Variants in ASZ1 observed in about 807,000 individuals in gnomAD.
The protein encoded by ASZ1 is ankyrin repeat, SAM and basic leucine zipper domain-containing protein 1.
A neutral mutation model predicts 61.8 loss-of-function variants in ASZ1; 67 were observed. The ratio of observed to expected loss-of-function variants is 1.08; its 90% CI spans 0.89 to 1.33. The LOEUF is 1.33. Ranked by LOEUF, ASZ1 falls within the 40% of genes most tolerant of loss-of-function variation. The probability of loss-of-function intolerance (pLI) is 0.00; values close to 1 mark genes in which losing one functional copy is unlikely to be tolerated. For missense variants in ASZ1, 577 were observed against 554.5 expected, an observed-to-expected ratio of 1.04 and a Z score of -0.41; for synonymous variants, 193 against 192.7, an observed-to-expected ratio of 1.00 and a Z score of -0.01.
chr7:117,379,005 A>G (rs1796192998), intron 10 of ASZ1, among the ~76,000 whole-genome samples: 1 of 151,426 alleles, frequency 6.6e-6, no homozygotes, highest in East Asian at 1.9e-4. Flanking sequence ...TGGAGAACAA[A>G]TTATTGGTTG....
chr7:117,426,415 G>A (rs530086728), intron 2 of ASZ1, among the ~76,000 whole-genome samples: 3 of 132,444 alleles, frequency 2.3e-5, no homozygotes, highest in East Asian at 4.5e-4. Flanking sequence ...GCTTGAACCC[G>A]AAGGTGGAGA....
chr7:117,404,541 G>A (rs756190290), intron 4 of ASZ1, among the ~76,000 whole-genome samples: 8 of 151,790 alleles, frequency 5.3e-5, no homozygotes, highest in Non-Finnish European at 1.2e-4. Flanking sequence ...CCATATTAGG[G>A]TGCTTAAGAC....
rs776522125 is a variant in ASZ1 at position 117,368,617 on chromosome 7, G to T, written c.1156C>A (p.Gln386Lys). 1.9e-6 allele frequency: 3 copies of T among 1,610,602 alleles called. No homozygotes were observed. Among genetic ancestry groups the T allele is most frequent in the South Asian group, 1.1e-5 (1 of 90,154 alleles). ...NVITELPVNSQKITLEWASPQ... is the reference protein window; with the variant it reads ...NVITELPVNSKKITLEWASPQ... ...TAATAACTTTTGTAGAATACCTTTT[G>T]AGAATTTACAGGTAACTCAGTAATA... is the stretch of plus-strand genomic sequence containing the variant. Residue 386 changes from glutamine (Q) to lysine (K), a missense_variant, in exon 11 of 13, where the codon CAA becomes AAA. Transcript: ENST00000284629.
At chr7:117,414,344 A>G (rs74632267) in intron 4 of ASZ1, among the ~76,000 whole-genome samples, 3,306 of 152,298 alleles carry the variant, frequency 0.022, 40 homozygotes, top group South Asian at 0.04. Context: ...AGGAATCCAA[A>G]TAGTATTAGC....
At chr7:117,406,467 T>C (rs1000689679) in intron 4 of ASZ1, among the ~76,000 whole-genome samples, 8 of 152,146 alleles carry the variant, frequency 5.3e-5, no homozygotes, top group Admixed American at 2.6e-4. Flanking sequence ...TAATAATAAA[T>C]TGTGAGGTTT....
At chr7:117,390,247 G>A (rs759311706) in intron 4 of ASZ1, among the ~76,000 whole-genome samples, 12 of 151,738 alleles carry the variant, frequency 7.9e-5, no homozygotes, top group South Asian at 2.1e-4. Flanking sequence ...ATGGCTCACC[G>A]CAGCCTCAAC....
chr7:117,377,898 T>C (rs1403959886), intron 10 of ASZ1, among the ~76,000 whole-genome samples: 1 of 152,032 alleles, frequency 6.6e-6, no homozygotes, highest in East Asian at 1.9e-4. Flanking sequence ...ATATGTGCAA[T>C]TAATTTTTGA....
chr7:117,364,144 C>A (rs1001554452), intron 12 of ASZ1, among the ~76,000 whole-genome samples: 1 of 152,160 alleles, frequency 6.6e-6, no homozygotes, highest in Non-Finnish European at 1.5e-5. Flanking sequence ...ATTATTATAG[C>A]AAACCTAAAA....
intron 10 of ASZ1, among the ~76,000 whole-genome samples, chr7:117,371,394 A>G (rs925035098): frequency 1.3e-5 from 2 of 152,184 alleles, no homozygotes; most frequent in African/African-American, 4.8e-5. Context: ...AACTTTATAT[A>G]CATAATACAT....
intron 12 of ASZ1, among the ~76,000 whole-genome samples, chr7:117,366,338 C>G (rs1584714519): frequency 6.6e-6 from 1 of 151,876 alleles, no homozygotes; most frequent in East Asian, 1.9e-4. Flanking sequence ...ATACTTGGAA[C>G]ATGTATACAA....
intron 10 of ASZ1, among the ~76,000 whole-genome samples, chr7:117,368,940 C>T (rs185185735): frequency 1.3e-5 from 2 of 152,088 alleles, no homozygotes; most frequent in East Asian, 3.9e-4. Flanking sequence ...TGCAGATATA[C>T]AATTACAGCT....
At chr7:117,363,917 A>G (rs1375462049) in intron 12 of ASZ1, among the ~76,000 whole-genome samples, 169 bp from the exon 13 acceptor site, 4 of 152,200 alleles carry the variant, frequency 2.6e-5, no homozygotes, top group African/African-American at 9.6e-5. Context: ...TATGTCTGAA[A>G]GACAGTCTTT....
chr7:117,368,496 CAGAACAAACG>C, intron 11 of ASZ1, 106 bp downstream of exon 11: 9 of 1,455,006 alleles, frequency 6.2e-6, no homozygotes, highest in Non-Finnish European at 8.1e-6. Context: ...TGTGATTTTG[CAGAACAAACG>C]ATGTAATTTC....
At chr7:117,397,340 C>A (rs1309598505) in intron 4 of ASZ1, among the ~76,000 whole-genome samples, 1 of 152,096 alleles carries the variant, frequency 6.6e-6, no homozygotes, top group Non-Finnish European at 1.5e-5. Flanking sequence ...CACCAAACAG[C>A]AAAACTACAA....
Position 117,384,778 on chromosome 7 carries a change from G to T in ASZ1, c.635C>A (p.Thr212Asn). 6.2e-7 allele frequency: 1 copy of T among 1,611,302 alleles called. No homozygotes were observed. The highest frequency in any genetic ancestry group is 8.5e-7 in the Non-Finnish European group (1 of 1,178,918). Reference protein sequence around the residue: ...LELGANKMLQTKDGKMPSEIA... With the variant: ...LELGANKMLQNKDGKMPSEIA... The stretch of plus-strand genomic sequence containing the variant: ...CTCACTTGGCATCTTTCCATCTTTG[G>T]TTTGTAGCATTTTATTAGCTCCAAG... The change falls in exon 6 of 13, where the codon ACC (threonine) becomes AAC (asparagine). Residue 212 changes from threonine (T) to asparagine (N), a missense_variant. By Grantham distance (65) the Thr-to-Asn change is moderately conservative. Coordinates refer to ENST00000284629, the MANE Select transcript of ASZ1 (RefSeq NM_130768.3).
Position 117,379,951 on chromosome 7 carries a change from T to G in ASZ1, c.1042A>C (p.Lys348Gln), listed in dbSNP as rs779237135. 1.9e-6 allele frequency: 3 copies of G among 1,590,196 alleles called. No homozygotes were observed. The Admixed American group carries it at 5.0e-5, about 27-fold the overall frequency. The change falls in exon 10 of 13, where the codon AAG becomes CAG. Residue 348 changes from lysine to glutamine, a missense_variant. Transcript: ENST00000284629. Reference protein sequence around the residue: ...IQFGELSEETKLEISGDEFLN... With the variant: ...IQFGELSEETQLEISGDEFLN... ...AGTTAATTTTACCTGATTTCCAACT[T>G]TGTCTCTTCAGATAGCTCTCCAAAT...
rs1797111749 is a variant in ASZ1, at chr7:117,422,268, C to T, written c.297G>A (p.Leu99=). The T allele has an allele frequency of 1.2e-6, 2 of 1,613,736 alleles. No homozygotes were observed. Among genetic ancestry groups the T allele is most frequent in the Non-Finnish European group, 1.7e-6 (2 of 1,179,834 alleles). The change falls in exon 3 of 13, where the codon TTG becomes TTA. Residue 99 remains leucine (L), a synonymous_variant. Coordinates refer to ENST00000284629, the MANE Select transcript of ASZ1 (RefSeq NM_130768.3). ...CAAAGCTTGCATTAGCACCTCTGTC[C>T]AAAAGGACCCGAACCAGCTCTGCAT... ...VANAELVRVL[L]DRGANASFEK...
rs529059627 is a variant in ASZ1 at position 117,420,039 on chromosome 7, T to G, written c.440+124A>C. On this transcript the variant is annotated intron_variant, in intron 4 of 12. Coordinates refer to ENST00000284629, the MANE Select transcript of ASZ1 (RefSeq NM_130768.3). ...ATCTTATAGAATTGGAACAATGACC[T>G]TATGAACTATTTTCATTCATCAACT... 1.3e-4 allele frequency: 84 copies of G among 624,792 alleles called. 1 individual carries two copies. In the African/African-American group the frequency reaches 1.4e-3, roughly 11 times the overall value. The allele number at this position is 624,792 out of a possible 1,614,324, so 38.7% of individuals were successfully genotyped here.
At chr7:117,372,076 G>C (rs1796060028) in intron 10 of ASZ1, among the ~76,000 whole-genome samples, 1 of 152,108 alleles carries the variant, frequency 6.6e-6, no homozygotes, top group South Asian at 2.1e-4. Context: ...CTATGTGAAT[G>C]GTGCCTCTCC....
Sources: gnomAD v4.1 joint callset for allele counts (sites outside exome capture counted in the v4.1 genomes callset) on GRCh38, gnomAD v4.1.1 for gene constraint, MANE v1.5 for transcripts, NCBI Gene and HGNC (gene_info 2026-07-23, HGNC 2026-07-21) for gene names.